MTOR: variants seen among roughly 807,000 people sequenced by gnomAD.
MTOR encodes mechanistic target of rapamycin kinase, also known as serine/threonine-protein kinase mTOR.
MTOR carries 70 observed loss-of-function variants against 319.8 expected under a neutral mutation model. The observed-to-expected ratio is 0.22, with a 90% confidence interval of 0.18 to 0.27. The LOEUF (loss-of-function observed/expected upper bound fraction) is 0.27, where lower values mean the gene tolerates loss of function less well. Among genes scored for constraint, MTOR ranks in the 10% least tolerant of loss-of-function variants. The pLI, the probability that MTOR is intolerant of heterozygous loss-of-function variation, is 1.00. For synonymous variants in MTOR, 1,183 were observed against 1,211.4 expected (o/e 0.98, Z 0.49); for missense variants, 1,890 against 3,274.4 (o/e 0.58, Z 10.32).
At chr1:11,191,604 G>A (rs1172106873) in intron 28 of MTOR, among the ~76,000 whole-genome samples, 1 of 152,136 alleles carries the variant, frequency 6.6e-6, no homozygotes, top group African/African-American at 2.4e-5. Context: ...CTTAAATCCT[G>A]CATAAAGTAG....
At chr1:11,108,920 A>C (rs1159288721) in intron 56 of MTOR, among the ~76,000 whole-genome samples, 1 of 151,848 alleles carries the variant, frequency 6.6e-6, no homozygotes, top group African/African-American at 2.4e-5. Context: ...CCTGGGAGGC[A>C]GAGGTTGCAG....
At chr1:11,213,064 T>C (rs1646361234) in intron 21 of MTOR, among the ~76,000 whole-genome samples, 156 bp from the exon 22 acceptor site, 1 of 152,252 alleles carries the variant, frequency 6.6e-6, no homozygotes, top group Non-Finnish European at 1.5e-5. Context: ...TAGCACTTTC[T>C]TCCCCTCATT....
chr1:11,256,724 G>C (rs1650446068), intron 4 of MTOR, among the ~76,000 whole-genome samples: 1 of 152,126 alleles, frequency 6.6e-6, no homozygotes, highest in African/African-American at 2.4e-5. Context: ...AAGGGCAGCA[G>C]ACTGGAAAGC....
intron 28 of MTOR, chr1:11,189,451 CA>C: frequency 8.7e-7 from 1 of 1,151,990 alleles, no homozygotes; most frequent in Non-Finnish European, 1.2e-6. Flanking sequence ...AGAGAGAAAA[CA>C]ACAAAGTGGC....
chr1:11,116,252 TTA>T (rs573481881), intron 50 of MTOR, among the ~76,000 whole-genome samples: 75 of 152,330 alleles, frequency 4.9e-4, no homozygotes, highest in Non-Finnish European at 6.8e-4. Flanking sequence ...ATAAAATGAT[TTA>T]TCTTAGCACA....
intron 28 of MTOR, chr1:11,193,799 T>G (rs1227699372): frequency 3.7e-6 from 6 of 1,612,902 alleles, no homozygotes; most frequent in Non-Finnish European, 5.1e-6. Flanking sequence ...AGGGGCCCCA[T>G]GACTGGACCA....
chr1:11,248,754 G>T (rs1262980168), intron 6 of MTOR, among the ~76,000 whole-genome samples: 1 of 152,216 alleles, frequency 6.6e-6, no homozygotes, highest in African/African-American at 2.4e-5. Context: ...AGAGGTTGCA[G>T]TGAGCCAAGA....
chr1:11,257,278 G>T, intron 3 of MTOR, 113 bp from the exon 4 acceptor site: 2 of 846,362 alleles, frequency 2.4e-6, no homozygotes, highest in Non-Finnish European at 3.7e-6. Context: ...GCTCAAGTCT[G>T]TAATCCTAGC....
In MTOR at chr1:11,121,968, G is replaced by A. The variant is rs375463431; in HGVS notation, c.6810+11C>T. 8 of 1,613,152 alleles carry A rather than the reference G, an allele frequency of 5.0e-6. No homozygotes were observed. The highest frequency in any genetic ancestry group is 2.7e-5 in the African/African-American group (2 of 74,908). ...GGAAGGGGCACTAGCTCTCGTGGCCGCATCACATACCCGCAACATGATGCG... is the reference window on the plus strand; with the variant it reads ...GGAAGGGGCACTAGCTCTCGTGGCCACATCACATACCCGCAACATGATGCG... On this transcript the variant is annotated intron_variant, in intron 48 of 57. Coordinates refer to ENST00000361445, the MANE Select transcript of MTOR (RefSeq NM_004958.4). This position sits in a 1 kb window ranked among gnomAD's most constrained non-coding sequence, Gnocchi z 4.9.
chr1:11,142,354 T>C (rs12239187), intron 34 of MTOR, among the ~76,000 whole-genome samples: 38,076 of 151,984 alleles, frequency 0.25, 5,069 homozygotes, highest in African/African-American at 0.33. Flanking sequence ...AGTGGCGCAA[T>C]CTTGGCTCAC....
chr1:11,126,747 C>T lies in MTOR; in HGVS notation c.6401G>A (p.Arg2134Gln), dbSNP rs755115241. The T allele has an allele frequency of 8.7e-6, 14 of 1,613,822 alleles. 1 individual carries two copies. Among genetic ancestry groups the T allele is most frequent in the East Asian group, 4.5e-5 (2 of 44,886 alleles). Residue 2134 changes from arginine (R) to glutamine (Q), a missense_variant, in exon 46 of 58, where the codon CGG becomes CAG. Arg to Gln is a conservative substitution (Grantham distance 43). Around this residue, in one of 15 missense-constraint regions of MTOR, gnomAD observed 249 missense variants for 596.2 expected, o/e 0.42. Transcript: ENST00000361445. ...QYVSPKLLMC[R>Q]DLELAVPGTY... Reference sequence around the variant, plus strand: ...TCCTGGCACAGCCAATTCAAGGTCCCGGCACATCAGAAGTTTTGGGGAAAC... The same window carrying T: ...TCCTGGCACAGCCAATTCAAGGTCCTGGCACATCAGAAGTTTTGGGGAAAC...
At chr1:11,171,044 A>G (rs1429708167) in intron 28 of MTOR, among the ~76,000 whole-genome samples, 3 of 150,666 alleles carry the variant, frequency 2.0e-5, no homozygotes, top group Non-Finnish European at 4.4e-5. Context: ...AAAATACAAA[A>G]ATTAGCTGGG....
At chr1:11,261,467 G>A (rs1366548063) in intron 1 of MTOR, among the ~76,000 whole-genome samples, 3 of 151,872 alleles carry the variant, frequency 2.0e-5, no homozygotes, top group South Asian at 2.1e-4. Flanking sequence ...GCGAAACTCC[G>A]TCTCAAAACA....
rs974185961 is a variant in MTOR, at chr1:11,247,930, C to T, written c.1005G>A (p.Gly335=). The part of the protein sequence containing the change: ...QQSNALVGLL[G]YSSHQGLMGF... ...CCATGAGGCCTTGGTGAGAGCTGTA[C>T]CCCAGCAGCCCCACCAAGGCATTTG... The change falls in exon 7 of 58, where the codon GGG becomes GGA. Residue 335 remains glycine (G), a synonymous_variant. Transcript: ENST00000361445. 11 of 1,614,174 alleles carry T rather than the reference C, an allele frequency of 6.8e-6. No individual in the cohort carries two copies. The highest frequency in any genetic ancestry group is 8.5e-6 in the Non-Finnish European group (10 of 1,180,038).
chr1:11,133,831 G>A lies in MTOR; in HGVS notation c.5246+520C>T, dbSNP rs1295855732. On this transcript the variant is annotated intron_variant, in intron 37 of 57. Transcript: ENST00000361445. The surrounding 1 kb of genome is among the most constrained non-coding windows in gnomAD (Gnocchi z 4.0). The stretch of plus-strand genomic sequence containing the variant: ...TCCCAGCATTTTGGAAGGCTGTGGA[G>A]GGAGGCTGGCTGGAGCACAGGAGTT... Among the ~76,000 whole-genome samples the A allele has an allele frequency of 6.6e-6, 1 of 152,170 alleles. No individual in the cohort carries two copies. The highest frequency in any genetic ancestry group is 1.5e-5 in the Non-Finnish European group (1 of 68,032).
chr1:11,224,003 C>T (rs923962103), intron 19 of MTOR, among the ~76,000 whole-genome samples: 3 of 151,752 alleles, frequency 2.0e-5, no homozygotes, highest in African/African-American at 7.3e-5. Flanking sequence ...CACACCATTG[C>T]ACTCCACCCT....
chr1:11,123,409 C>CTTTTTTTT, intron 47 of MTOR, among the ~76,000 whole-genome samples: 1 of 122,026 alleles, frequency 8.2e-6, no homozygotes, highest in Admixed American at 8.7e-5. Flanking sequence ...CTGTGCCCAG[C>CTTTTTTTT]TTTTTTTTTT....
At chr1:11,259,703 G>A (rs1354244150) in intron 1 of MTOR, among the ~76,000 whole-genome samples, 1 of 152,136 alleles carries the variant, frequency 6.6e-6, no homozygotes, top group African/African-American at 2.4e-5. Context: ...AGCAGTTTGG[G>A]AGGCTGAGCC....
intron 29 of MTOR, among the ~76,000 whole-genome samples, chr1:11,160,428 C>T (rs2100581507): frequency 6.6e-6 from 1 of 152,196 alleles, no homozygotes; most frequent in Admixed American, 6.5e-5. Flanking sequence ...AAAGAACTGG[C>T]CATGGTGTCT....
Sources: allele counts gnomAD v4.1 joint callset (sites outside exome capture counted in the v4.1 genomes callset), GRCh38; gene constraint gnomAD v4.1.1; regional missense constraint gnomAD v4.1.1; non-coding constraint Gnocchi (gnomAD v3.1); transcripts MANE v1.5; gene names NCBI Gene and HGNC (gene_info 2026-07-23, HGNC 2026-07-21).